Variants in SLIT3 observed in about 807,000 individuals in gnomAD.
The protein encoded by SLIT3 is slit homolog 3 protein.
In SLIT3, 68 loss-of-function variants were observed where a neutral mutation model predicts 184.0. That is an observed-to-expected ratio of 0.37 (90% CI 0.30 to 0.45). The LOEUF is 0.45. Among genes scored for constraint, SLIT3 ranks in the 20% least tolerant of loss-of-function variants. The pLI is 1.00. For missense variants in SLIT3, 1,707 were observed against 2,026.0 expected (o/e 0.84, Z 3.02); for synonymous variants, 831 against 828.6 (o/e 1.00, Z -0.05).
At position 168,685,887 on chromosome 5, in the gene SLIT3, G is replaced by T. The variant is rs759667108; in HGVS notation, c.3355C>A (p.Gln1119Lys). Residue 1119 changes from glutamine to lysine, a missense_variant, in exon 31 of 36, where the codon CAG becomes AAG. By Grantham distance (53) the Gln-to-Lys change is moderately conservative (BLOSUM62 1). Around this residue, in one of 3 missense-constraint regions of SLIT3, gnomAD observed 1,307 missense variants for 1,511.6 expected, o/e 0.86. Coordinates refer to ENST00000519560, the MANE Select transcript of SLIT3 (RefSeq NM_003062.4). Reference protein sequence around the residue: ...CEHPPPMVLLQTSPCDQYECQ... With the variant: ...CEHPPPMVLLKTSPCDQYECQ... ...TCGTACTGGTCGCATGGGCTGGTCT[G>T]CAGTAGGACCATGGGTGGGGGGTGT... 1.7e-5 allele frequency: 27 copies of T among 1,613,418 alleles called. No individual in the cohort carries two copies. The South Asian group carries it at 3.0e-4, about 18-fold the overall frequency.
intron 4 of SLIT3, among the ~76,000 whole-genome samples, chr5:169,092,068 C>T (rs536804901): frequency 3.0e-4 from 46 of 152,266 alleles, no homozygotes; most frequent in African/African-American, 1.1e-3. Flanking sequence ...CTAAAAAATA[C>T]ACAAATTAGC....
intron 3 of SLIT3, among the ~76,000 whole-genome samples, chr5:169,218,700 G>A (rs1246654023): frequency 6.6e-6 from 1 of 152,208 alleles, no homozygotes; most frequent in Non-Finnish European, 1.5e-5. Context: ...GTAGTTCTGA[G>A]TCTTACTTAA....
At chr5:168,990,601 A>G (rs1423673462) in intron 4 of SLIT3, among the ~76,000 whole-genome samples, 7 of 152,184 alleles carry the variant, frequency 4.6e-5, no homozygotes, top group Non-Finnish European at 1.5e-5. Flanking sequence ...CAGAGAGGTT[A>G]TTTATTTTTG....
At chr5:169,184,139 CAAGTATTAA>C (rs1763257721) in intron 4 of SLIT3, among the ~76,000 whole-genome samples, 1 of 152,170 alleles carries the variant, frequency 6.6e-6, no homozygotes, top group African/African-American at 2.4e-5. Context: ...TTCAATGTTT[CAAGTATTAA>C]TATCCTAGAT....
intron 3 of SLIT3, among the ~76,000 whole-genome samples, chr5:169,198,831 C>T (rs1763820365): frequency 1.3e-5 from 2 of 151,898 alleles, no homozygotes; most frequent in South Asian, 4.2e-4. Flanking sequence ...ACTCGGGAGG[C>T]TTAGGCAGGA....
chr5:168,833,739 A>G (rs1414957206), intron 6 of SLIT3, among the ~76,000 whole-genome samples: 2 of 152,188 alleles, frequency 1.3e-5, no homozygotes, highest in African/African-American at 2.4e-5. Context: ...CTGGATAAAG[A>G]GCCAAAAGAC....
intron 1 of SLIT3, among the ~76,000 whole-genome samples, chr5:169,291,218 C>T (rs989677745): frequency 5.3e-5 from 8 of 152,076 alleles, no homozygotes; most frequent in African/African-American, 1.9e-4. Flanking sequence ...CCAGAGATCC[C>T]GGCTAAGAGA....
At chr5:169,123,673 A>T (rs1319190807) in intron 4 of SLIT3, among the ~76,000 whole-genome samples, 6 of 152,174 alleles carry the variant, frequency 3.9e-5, no homozygotes, top group Admixed American at 6.5e-5. Context: ...ATCCTGAAGG[A>T]TTTCTTCTAA....
intron 4 of SLIT3, among the ~76,000 whole-genome samples, chr5:169,180,587 T>G (rs1402484706): frequency 6.6e-6 from 1 of 152,172 alleles, no homozygotes; most frequent in Non-Finnish European, 1.5e-5. Flanking sequence ...TGGTAATGCA[T>G]GGTGAAGACA....
intron 4 of SLIT3, among the ~76,000 whole-genome samples, chr5:169,150,524 C>A (rs937791736): frequency 5.3e-5 from 8 of 151,442 alleles, no homozygotes; most frequent in African/African-American, 1.7e-4. Flanking sequence ...CATACACACA[C>A]ACACACACAC....
At chr5:168,705,409 G>A (rs1213134534) in intron 26 of SLIT3, among the ~76,000 whole-genome samples, 1 of 152,058 alleles carries the variant, frequency 6.6e-6, no homozygotes, top group Non-Finnish European at 1.5e-5. Context: ...AATAAATGCT[G>A]GCTCTTATGT....
intron 4 of SLIT3, among the ~76,000 whole-genome samples, chr5:169,003,243 C>T (rs1159163100): frequency 5.3e-5 from 8 of 152,156 alleles, no homozygotes; most frequent in Non-Finnish European, 1.0e-4. Flanking sequence ...TGTCACTATT[C>T]CTTGGATTAA....
chr5:169,029,820 A>G (rs1033702967), intron 4 of SLIT3, among the ~76,000 whole-genome samples: 14 of 152,200 alleles, frequency 9.2e-5, no homozygotes, highest in Admixed American at 2.0e-4. Flanking sequence ...CACAATTCCA[A>G]TGGAATCCAC....
Position 168,685,737 on chromosome 5 carries a change from C to G in SLIT3, c.3505G>C (p.Val1169Leu), listed in dbSNP as rs144799628. ...CGGACCTTGGCGGAGGCCAGTTCCA[C>G]GTAGGAGTCTTTGCCCACGAAGTTG... ...TVNFVGKDSY[V>L]ELASAKVRPQ... Residue 1169 changes from valine (V) to leucine (L), a missense_variant, in exon 31 of 36, where the codon GTG (valine) becomes CTG (leucine). Val to Leu is a conservative substitution (Grantham distance 32, BLOSUM62 1). Around this residue, in one of 3 missense-constraint regions of SLIT3, gnomAD observed 387 missense variants for 477.9 expected, o/e 0.81. Transcript: ENST00000519560. 4.4e-4 allele frequency: 697 copies of G among 1,596,326 alleles called. 9 individuals are homozygous for G. In the South Asian group the frequency reaches 5.5e-3, roughly 13 times the overall value.
chr5:168,938,220 TA>T (rs1762221327), intron 4 of SLIT3, among the ~76,000 whole-genome samples: 1 of 152,222 alleles, frequency 6.6e-6, no homozygotes, highest in Non-Finnish European at 1.5e-5. Context: ...ATATTCTGGC[TA>T]AATACTAGGC....
intron 6 of SLIT3, among the ~76,000 whole-genome samples, chr5:168,833,285 T>C (rs1268016848): frequency 6.6e-6 from 1 of 152,244 alleles, no homozygotes; most frequent in Non-Finnish European, 1.5e-5. Flanking sequence ...CATGAGGCTC[T>C]GTTCCTGGGC....
At chr5:169,269,519 T>G (rs77369378) in intron 1 of SLIT3, among the ~76,000 whole-genome samples, 3,726 of 152,310 alleles carry the variant, frequency 0.024, 72 homozygotes, top group African/African-American at 0.045. Flanking sequence ...AACTCTCCCA[T>G]CTGTAATACC....
At chr5:168,768,696 C>T (rs549023353) in intron 14 of SLIT3, among the ~76,000 whole-genome samples, 5 of 152,232 alleles carry the variant, frequency 3.3e-5, no homozygotes, top group Admixed American at 6.5e-5. Context: ...ACAGTCATTC[C>T]TCTAGCCCCT....
chr5:168,884,549 G>GATATATATATATATATATAT (rs58407375), intron 4 of SLIT3, among the ~76,000 whole-genome samples: 1,216 of 40,980 alleles, frequency 0.03, 245 homozygotes, highest in African/African-American at 0.032. Flanking sequence ...CCAATTACGA[G>GATATATATATATATATATAT]ATATATATAT....
Sources: allele counts gnomAD v4.1 joint callset (sites outside exome capture counted in the v4.1 genomes callset), GRCh38; gene constraint gnomAD v4.1.1; regional missense constraint gnomAD v4.1.1; transcripts MANE v1.5; gene names NCBI Gene and HGNC (gene_info 2026-07-23, HGNC 2026-07-21).